The following FRY variants were observed in gnomAD, a reference collection of about 807,000 sequenced individuals.
The protein encoded by FRY is FRY microtubule binding protein.
Under a neutral mutation model 348.4 loss-of-function variants are expected in FRY, and 128 were observed. The ratio of observed to expected loss-of-function variants is 0.37; its 90% CI spans 0.32 to 0.43. The LOEUF (loss-of-function observed/expected upper bound fraction) is 0.43, where lower values mean the gene tolerates loss of function less well. Ranked by LOEUF, FRY falls within the 20% of genes least tolerant of loss-of-function variation. The probability of loss-of-function intolerance (pLI) is 1.00; values close to 1 mark genes in which losing one functional copy is unlikely to be tolerated. For synonymous variants in FRY, 1,370 were observed against 1,374.7 expected (o/e 1.00, Z 0.08); for missense variants, 2,736 against 3,695.2 (o/e 0.74, Z 6.73).
At position 32,295,736 on chromosome 13, in the gene FRY, G is replaced by A. The variant is rs531072197; in HGVS notation, c.*276G>A. The A allele has an allele frequency of 1.9e-6, 1 of 534,942 alleles. No homozygotes were observed. Among genetic ancestry groups the A allele is most frequent in the South Asian group, 2.2e-5 (1 of 44,944 alleles). The allele number at this position is 534,942 out of a possible 1,614,324, so 33.1% of individuals were successfully genotyped here. ...CGAGCATATGCAACTCGCTACTGAA[G>A]AAGTGACTTCCGTTGCATACCAAAG... On this transcript the variant is annotated 3_prime_UTR_variant, in exon 61 of 61. Coordinates refer to ENST00000542859, the MANE Select transcript of FRY (RefSeq NM_023037.3).
intron 53 of FRY, among the ~76,000 whole-genome samples, chr13:32,264,233 C>T (rs1410035456): frequency 6.6e-6 from 1 of 152,146 alleles, no homozygotes; most frequent in Non-Finnish European, 1.5e-5. Context: ...AGTGGCCAGC[C>T]TCATTGGCAG....
At chr13:32,241,923 G>C (rs936985124) in intron 46 of FRY, among the ~76,000 whole-genome samples, 1 of 152,030 alleles carries the variant, frequency 6.6e-6, no homozygotes. Flanking sequence ...TCAGGTCTTG[G>C]CTATGCACAT....
At chr13:32,264,588 C>T (rs757443219) in intron 53 of FRY, among the ~76,000 whole-genome samples, 1 of 152,148 alleles carries the variant, frequency 6.6e-6, no homozygotes, top group Admixed American at 6.5e-5. Context: ...TCCTAAAGAA[C>T]AATCAGTCCT....
At position 32,298,888 on chromosome 13, in the gene FRY, C is replaced by T. The variant is rs2072105194; in HGVS notation, c.*3428C>T. Reference sequence around the variant, plus strand: ...TGTGGGCCACGGCAGGACTTTGTCCCTTGCTGAGCAAGATGGGAAGCCACT... The same window carrying T: ...TGTGGGCCACGGCAGGACTTTGTCCTTTGCTGAGCAAGATGGGAAGCCACT... On this transcript the variant is annotated 3_prime_UTR_variant, in exon 61 of 61. Transcript: ENST00000542859. The T allele has an allele frequency of 6.6e-6, 1 of 152,180 alleles. No homozygotes were observed. The allele number at this position is 152,180 out of a possible 1,614,324, so 9.4% of individuals were successfully genotyped here. A position where few individuals can be genotyped will look rare whatever the true frequency, so the allele number is the denominator to read the frequency against.
intron 53 of FRY, 23 bp downstream of exon 53, chr13:32,262,498 G>T (rs1887707139): frequency 1.3e-6 from 2 of 1,583,102 alleles, no homozygotes; most frequent in Admixed American, 3.3e-5. Context: ...TAACAATGAT[G>T]ATTTGTACTT....
At chr13:32,252,476 C>T (rs1021877922) in intron 50 of FRY, among the ~76,000 whole-genome samples, 48 of 151,864 alleles carry the variant, frequency 3.2e-4, no homozygotes, top group African/African-American at 9.7e-4. Flanking sequence ...AATGAATGGA[C>T]GATTGAATAA....
chr13:32,084,040 C>T (rs1040633741), intron 2 of FRY, among the ~76,000 whole-genome samples: 5 of 151,984 alleles, frequency 3.3e-5, no homozygotes, highest in Non-Finnish European at 7.4e-5. Flanking sequence ...TTTTTAAAAA[C>T]AAAAATGTTA....
At chr13:32,132,085 C>G (rs1879403856) in intron 8 of FRY, among the ~76,000 whole-genome samples, 1 of 152,006 alleles carries the variant, frequency 6.6e-6, no homozygotes, top group East Asian at 1.9e-4. Flanking sequence ...TGACTTTTTT[C>G]TCTTTCACCC....
intron 1 of FRY, among the ~76,000 whole-genome samples, chr13:32,058,609 T>C (rs1434876069): frequency 6.6e-6 from 1 of 152,212 alleles, no homozygotes; most frequent in African/African-American, 2.4e-5. Context: ...ATCCTTCACC[T>C]GTCCATGATT....
At chr13:32,196,871 A>G (rs1217217383) in intron 29 of FRY, among the ~76,000 whole-genome samples, 1 of 152,208 alleles carries the variant, frequency 6.6e-6, no homozygotes, top group Non-Finnish European at 1.5e-5. Flanking sequence ...CTTTAGTTCA[A>G]ATAACTATTT....
At chr13:32,157,514 A>G in intron 16 of FRY, 109 bp downstream of exon 16, 1 of 1,015,320 alleles carries the variant, frequency 9.8e-7, no homozygotes. Flanking sequence ...GGGTTCTAAA[A>G]AGTAGTAAAG....
At chr13:32,095,152 A>T (rs1001155534) in intron 2 of FRY, among the ~76,000 whole-genome samples, 1 of 151,868 alleles carries the variant, frequency 6.6e-6, no homozygotes, top group Non-Finnish European at 1.5e-5. Context: ...TTCTTTTAAG[A>T]AATGTCTAGT....
At chr13:32,188,080 A>T (rs1369968649) in intron 28 of FRY, among the ~76,000 whole-genome samples, 1 of 152,170 alleles carries the variant, frequency 6.6e-6, no homozygotes, top group African/African-American at 2.4e-5. Flanking sequence ...TGTGGGCTGT[A>T]AGTAAAGCCT....
intron 58 of FRY, among the ~76,000 whole-genome samples, chr13:32,280,807 C>T (rs1347851910): frequency 6.6e-6 from 1 of 152,172 alleles, no homozygotes; most frequent in Non-Finnish European, 1.5e-5. Context: ...TTTATAGCTT[C>T]CGGGTTAACC....
intron 1 of FRY, among the ~76,000 whole-genome samples, chr13:32,042,486 C>A (rs1408957790): frequency 1.6e-5 from 2 of 123,608 alleles, no homozygotes; most frequent in Non-Finnish European, 3.4e-5. Flanking sequence ...CTTGCCCAAC[C>A]CACAGCCTGG....
chr13:32,276,744 A>G (rs934341224), intron 57 of FRY, among the ~76,000 whole-genome samples, 182 bp downstream of exon 57: 1 of 152,204 alleles, frequency 6.6e-6, no homozygotes, highest in East Asian at 1.9e-4. Flanking sequence ...TATATTACAA[A>G]TGGTATCTAC....
chr13:32,209,785 G>A, intron 33 of FRY, 54 bp downstream of exon 33: 2 of 1,560,756 alleles, frequency 1.3e-6, no homozygotes, highest in Non-Finnish European at 1.8e-6. Context: ...ACTCCCATGT[G>A]CAATTTGCAA....
At chr13:32,080,969 A>G (rs1158582819) in intron 2 of FRY, among the ~76,000 whole-genome samples, 1 of 152,216 alleles carries the variant, frequency 6.6e-6, no homozygotes, top group Non-Finnish European at 1.5e-5. Flanking sequence ...TTCCAAAATA[A>G]TAGTTTACTG....
intron 11 of FRY, among the ~76,000 whole-genome samples, chr13:32,142,010 G>GTT (rs113549707): frequency 6.6e-5 from 10 of 151,956 alleles, no homozygotes; most frequent in African/African-American, 2.4e-4. Context: ...CAGAAGAATG[G>GTT]TTTTTTTTGA....
Sources: allele counts gnomAD v4.1 joint callset (sites outside exome capture counted in the v4.1 genomes callset), GRCh38; gene constraint gnomAD v4.1.1; transcripts MANE v1.5; gene names NCBI Gene and HGNC (gene_info 2026-07-23, HGNC 2026-07-21).